The following KMT2C variants were observed in gnomAD, a reference collection of about 807,000 sequenced individuals.
KMT2C encodes histone-lysine N-methyltransferase 2C.
Under a neutral mutation model 507.9 loss-of-function variants are expected in KMT2C, and 88 were observed. The observed-to-expected ratio is 0.17, with a 90% CI of 0.15 to 0.21. KMT2C has a LOEUF of 0.21. Ranked by LOEUF, KMT2C falls within the 10% of genes least tolerant of loss-of-function variation. The pLI is 1.00. For missense variants in KMT2C, 4,954 were observed against 5,957.8 expected (o/e 0.83, Z 5.55); for synonymous variants, 2,049 against 2,080.8 (o/e 0.98, Z 0.42).
chr7:152,408,764 C>A (rs2097649656), intron 1 of KMT2C, among the ~76,000 whole-genome samples: 1 of 151,050 alleles, frequency 6.6e-6, no homozygotes, highest in Non-Finnish European at 1.5e-5. Flanking sequence ...AAAACTAGTC[C>A]CTGGTGCCAA....
intron 6 of KMT2C, among the ~76,000 whole-genome samples, chr7:152,296,697 C>G (rs533536573): frequency 6.6e-6 from 1 of 152,104 alleles, no homozygotes; most frequent in East Asian, 1.9e-4. Context: ...TATCATGAAG[C>G]TACTGAACTA....
At chr7:152,255,118 T>TAC (rs1554583642) in intron 9 of KMT2C, among the ~76,000 whole-genome samples, 18 of 97,746 alleles carry the variant, frequency 1.8e-4, no homozygotes, top group African/African-American at 2.9e-4. Context: ...CTTATATATA[T>TAC]ATATATATAT....
At chr7:152,389,067 A>C (rs996195981) in intron 1 of KMT2C, among the ~76,000 whole-genome samples, 3 of 151,818 alleles carry the variant, frequency 2.0e-5, no homozygotes, top group Admixed American at 6.6e-5. Flanking sequence ...TATTTTTAGT[A>C]GAGATGGGGT....
intron 23 of KMT2C, among the ~76,000 whole-genome samples, chr7:152,212,487 C>A (rs1234298338): frequency 1.3e-5 from 2 of 152,048 alleles, no homozygotes; most frequent in Non-Finnish European, 2.9e-5. Context: ...TCCCTGTGTG[C>A]AGATGACATG....
At chr7:152,380,009 G>A (rs1451777630) in intron 1 of KMT2C, among the ~76,000 whole-genome samples, 6 of 151,606 alleles carry the variant, frequency 4.0e-5, no homozygotes, top group Non-Finnish European at 5.9e-5. Context: ...GAGGCAGGCG[G>A]ATTGCCTGAG....
rs1195125465 is a variant in KMT2C at position 152,391,142 on chromosome 7, CAAAAAA to C, written c.162-32473_162-32468del. 6.1e-3 allele frequency among the ~76,000 whole-genome samples: 213 copies of C among 34,764 alleles called. 1 individual carries two copies. The highest frequency in any genetic ancestry group is 0.02 in the African/African-American group (193 of 9,524). The allele number at this position is 34,764 out of a possible 152,430, so 22.8% of individuals were successfully genotyped here. Reference sequence around the variant, plus strand: ...CTGGGCGACAGAGTGAGACTGTCTCCAAAAAAAAAAAAAAAAAAAAAAAAAGCCTTA... The same window carrying C: ...CTGGGCGACAGAGTGAGACTGTCTCCAAAAAAAAAAAAAAAAAAAGCCTTA... On this transcript the variant is annotated intron_variant, in intron 1 of 58. Coordinates refer to ENST00000262189, the MANE Select transcript of KMT2C (RefSeq NM_170606.3).
chr7:152,170,119 C>G (rs1376151962), intron 40 of KMT2C, among the ~76,000 whole-genome samples: 2 of 152,082 alleles, frequency 1.3e-5, no homozygotes, highest in African/African-American at 4.8e-5. Flanking sequence ...TAACATTTGA[C>G]ATATTAAAAA....
intron 1 of KMT2C, among the ~76,000 whole-genome samples, chr7:152,359,478 A>G (rs1022389995): frequency 1.4e-4 from 22 of 152,164 alleles, no homozygotes; most frequent in Non-Finnish European, 2.8e-4. Context: ...TAAACTCTTT[A>G]AAAGAAAAAG....
intron 44 of KMT2C, chr7:152,157,696 G>T: frequency 1.0e-6 from 1 of 982,598 alleles, no homozygotes; most frequent in Non-Finnish European, 1.3e-6. Context: ...AATAAGACAA[G>T]CTCTATCAAT....
rs1015829072 is a variant in KMT2C, at chr7:152,297,083, G to C, written c.849+12883C>G. ...AGAGAGAGAGAGAGAGAGAGAGAGAGAGAGAGAGAGAAAGAAAGAAAGACG... is the reference window on the plus strand; with the variant it reads ...AGAGAGAGAGAGAGAGAGAGAGAGACAGAGAGAGAGAAAGAAAGAAAGACG... On this transcript the variant is annotated intron_variant, in intron 6 of 58. Coordinates refer to ENST00000262189, the MANE Select transcript of KMT2C (RefSeq NM_170606.3). Among the ~76,000 whole-genome samples, 133 of 146,076 alleles carry C rather than the reference G, an allele frequency of 9.1e-4. 2 individuals are homozygous for C. Among genetic ancestry groups the C allele is most frequent in the African/African-American group, 3.4e-3 (126 of 37,304 alleles).
At chr7:152,212,982 A>C (rs2094489361) in intron 23 of KMT2C, among the ~76,000 whole-genome samples, 3 of 152,280 alleles carry the variant, frequency 2.0e-5, no homozygotes, top group African/African-American at 7.2e-5. Flanking sequence ...GAGGCGGCAG[A>C]GGTTGCAGTG....
intron 3 of KMT2C, among the ~76,000 whole-genome samples, chr7:152,315,743 C>G (rs537239631): frequency 3.9e-5 from 6 of 152,190 alleles, no homozygotes; most frequent in African/African-American, 1.4e-4. Context: ...GTGGTGAAAC[C>G]CCATCTCTAC....
At chr7:152,419,796 C>T (rs907652141) in intron 1 of KMT2C, among the ~76,000 whole-genome samples, 1 of 152,186 alleles carries the variant, frequency 6.6e-6, no homozygotes, top group African/African-American at 2.4e-5. Context: ...ATTTGTAAAA[C>T]GTACTAATGA....
intron 2 of KMT2C, among the ~76,000 whole-genome samples, chr7:152,350,947 G>C (rs1430887944): frequency 5.3e-5 from 8 of 151,890 alleles, no homozygotes; most frequent in Non-Finnish European, 1.2e-4. Context: ...TTGGTTTTAG[G>C]GTTTTTCTTT....
intron 23 of KMT2C, chr7:152,219,900 G>C (rs1588321955): frequency 6.6e-6 from 1 of 152,668 alleles, no homozygotes; most frequent in South Asian, 2.1e-4. Context: ...CTACTCAGGA[G>C]GCTGAGGTAG....
intron 31 of KMT2C, among the ~76,000 whole-genome samples, chr7:152,190,866 G>C (rs897102964): frequency 2.6e-5 from 4 of 152,082 alleles, no homozygotes; most frequent in Non-Finnish European, 5.9e-5. Flanking sequence ...ATGGTCCAAT[G>C]AAACAATGTT....
intron 1 of KMT2C, among the ~76,000 whole-genome samples, chr7:152,400,383 T>C (rs765270667): frequency 4.9e-4 from 74 of 152,176 alleles, no homozygotes; most frequent in Non-Finnish European, 1.9e-4. Flanking sequence ...ATAAAGTATT[T>C]TGCTTATTGT....
intron 24 of KMT2C, among the ~76,000 whole-genome samples, chr7:152,206,398 A>C (rs2129137917): frequency 6.6e-6 from 1 of 152,310 alleles, no homozygotes; most frequent in Middle Eastern, 3.4e-3. Flanking sequence ...TCATAAAACA[A>C]TTCAGAAGCA....
chr7:152,365,544 T>G (rs913564661), intron 1 of KMT2C, among the ~76,000 whole-genome samples: 1 of 152,112 alleles, frequency 6.6e-6, no homozygotes, highest in African/African-American at 2.4e-5. Flanking sequence ...AACTAAAAAC[T>G]TCCTCCTTTT....
Sources: allele counts gnomAD v4.1 joint callset (sites outside exome capture counted in the v4.1 genomes callset), GRCh38; gene constraint gnomAD v4.1.1; transcripts MANE v1.5; gene names NCBI Gene and HGNC (gene_info 2026-07-23, HGNC 2026-07-21).